Variants in IPCEF1 observed in about 807,000 individuals in gnomAD.
The protein encoded by IPCEF1 is interaction protein for cytohesin exchange factors 1.
Under a neutral mutation model 50.9 loss-of-function variants are expected in IPCEF1, and 31 were observed. The ratio of observed to expected loss-of-function variants is 0.61; its 90% CI spans 0.46 to 0.82. The LOEUF (loss-of-function observed/expected upper bound fraction) is 0.82, where lower values mean the gene tolerates loss of function less well. Ranked by LOEUF, IPCEF1 falls within the 40% of genes least tolerant of loss-of-function variation. The pLI is 0.00. For synonymous variants in IPCEF1, 181 were observed against 192.0 expected, an observed-to-expected ratio of 0.94 and a Z score of 0.47; for missense variants, 458 against 514.0, an observed-to-expected ratio of 0.89 and a Z score of 1.05.
Position 154,166,857 on chromosome 6 carries a change from A to T in IPCEF1, c.1104+1063T>A, listed in dbSNP as rs867707335. Among the ~76,000 whole-genome samples, 19 of 152,352 alleles carry T rather than the reference A, an allele frequency of 1.2e-4. No individual in the cohort carries two copies. In the South Asian group the frequency reaches 3.9e-3, roughly 32 times the overall value. Reference sequence around the variant, plus strand: ...TCATCAGCTTCGTACATACTGTGAAATGGCGGCCAGTGATATCTTTTATTA... The same window carrying T: ...TCATCAGCTTCGTACATACTGTGAATTGGCGGCCAGTGATATCTTTTATTA... On this transcript the variant is annotated intron_variant, in intron 11 of 11. Coordinates refer to ENST00000367220, the MANE Select transcript of IPCEF1 (RefSeq NM_001130700.2).
chr6:154,212,920 C>A, intron 8 of IPCEF1, 65 bp from the exon 9 acceptor site: 1 of 1,116,804 alleles, frequency 9.0e-7, no homozygotes, highest in Non-Finnish European at 1.4e-6. Context: ...AATGCATGAG[C>A]AGAGGTTTAT....
intron 1 of IPCEF1, among the ~76,000 whole-genome samples, chr6:154,352,055 G>C (rs1170497638): frequency 6.6e-6 from 1 of 151,896 alleles, no homozygotes; most frequent in Non-Finnish European, 1.5e-5. Context: ...GTGATGAGTT[G>C]ATCTATGCAG....
chr6:154,342,361 T>C (rs1310679593), intron 1 of IPCEF1, among the ~76,000 whole-genome samples: 1 of 152,204 alleles, frequency 6.6e-6, no homozygotes, highest in Non-Finnish European at 1.5e-5. Context: ...CACCTTGTCT[T>C]ATGTAAAATG....
intron 1 of IPCEF1, among the ~76,000 whole-genome samples, chr6:154,327,290 G>A (rs970796942): frequency 1.3e-5 from 2 of 152,134 alleles, no homozygotes; most frequent in Admixed American, 1.3e-4. Context: ...TCTACAGAAT[G>A]AGAGAAAATT....
intron 1 of IPCEF1, among the ~76,000 whole-genome samples, chr6:154,309,768 GT>G (rs3045861): frequency 1.3e-3 from 184 of 140,744 alleles, no homozygotes; most frequent in Admixed American, 1.4e-3. Flanking sequence ...TTCTTTTCTT[GT>G]TTTTTTTTTT....
intron 5 of IPCEF1, among the ~76,000 whole-genome samples, chr6:154,233,125 C>T (rs768566051): frequency 1.3e-5 from 2 of 152,026 alleles, no homozygotes; most frequent in South Asian, 2.1e-4. Context: ...TGTGCCGCCA[C>T]GCCCAGCTAA....
intron 10 of IPCEF1, among the ~76,000 whole-genome samples, chr6:154,171,228 T>A (rs2350876): frequency 6.6e-6 from 1 of 152,164 alleles, no homozygotes; most frequent in African/African-American, 2.4e-5. Context: ...GTTCATCAGC[T>A]GATGAAAGGA....
At chr6:154,266,566 A>C (rs1438913585) in intron 2 of IPCEF1, among the ~76,000 whole-genome samples, 3 of 140,956 alleles carry the variant, frequency 2.1e-5, no homozygotes, top group Non-Finnish European at 3.1e-5. Flanking sequence ...ATTACTATAT[A>C]TATATATATA....
chr6:154,220,531 A>G (rs193217302), intron 7 of IPCEF1, among the ~76,000 whole-genome samples: 1 of 152,276 alleles, frequency 6.6e-6, no homozygotes, highest in East Asian at 1.9e-4. Flanking sequence ...CACGCCTGTA[A>G]CTTGGGAGGC....
chr6:154,252,904 A>G (rs1461470086), intron 3 of IPCEF1, among the ~76,000 whole-genome samples: 1 of 152,214 alleles, frequency 6.6e-6, no homozygotes, highest in Admixed American at 6.5e-5. Context: ...AGAGATTGCC[A>G]CAGACCTCCC....
chr6:154,314,858 TAA>T (rs1405635357), intron 1 of IPCEF1, among the ~76,000 whole-genome samples: 5 of 151,776 alleles, frequency 3.3e-5, no homozygotes, highest in African/African-American at 1.2e-4. Flanking sequence ...ATCTACTTTG[TAA>T]AGATGGCTTC....
At chr6:154,192,117 G>T (rs1337021330) in intron 10 of IPCEF1, among the ~76,000 whole-genome samples, 1 of 152,088 alleles carries the variant, frequency 6.6e-6, no homozygotes, top group African/African-American at 2.4e-5. Context: ...CTTCTCTAGG[G>T]GTATACACCT....
intron 6 of IPCEF1, 125 bp downstream of exon 6, chr6:154,223,045 G>T (rs966062040): frequency 1.3e-6 from 1 of 775,232 alleles, no homozygotes. Context: ...AACCCATAAT[G>T]CTTCAAATTC....
At chr6:154,247,002 TAAGATACG>T (rs1781105840) in intron 4 of IPCEF1, 4 of 465,458 alleles carry the variant, frequency 8.6e-6, no homozygotes, top group African/African-American at 7.9e-5. Context: ...TTAGAAGGTA[TAAGATACG>T]GCCAAAGAAA....
chr6:154,263,406 T>C (rs1226458801), intron 3 of IPCEF1, among the ~76,000 whole-genome samples: 1 of 139,800 alleles, frequency 7.2e-6, no homozygotes, highest in Non-Finnish European at 1.5e-5. Context: ...TCCGCAGTGT[T>C]TGTGTCCCTG....
intron 1 of IPCEF1, among the ~76,000 whole-genome samples, chr6:154,314,166 A>C (rs941501712): frequency 6.6e-6 from 1 of 152,192 alleles, no homozygotes. Flanking sequence ...TACATTTATA[A>C]TTATAGAGTG....
chr6:154,231,419 G>A (rs1361430154), intron 5 of IPCEF1, among the ~76,000 whole-genome samples: 2 of 152,186 alleles, frequency 1.3e-5, no homozygotes, highest in African/African-American at 4.8e-5. Flanking sequence ...CTATACCTTG[G>A]AGAATATGTG....
At chr6:154,246,868 C>A in intron 4 of IPCEF1, 108 bp from the exon 5 acceptor site, 3 of 1,301,432 alleles carry the variant, frequency 2.3e-6, no homozygotes, top group Non-Finnish European at 3.0e-6. Flanking sequence ...ATTGTTAACC[C>A]CCCGGGGAGC....
At chr6:154,215,982 G>A (rs986636011) in intron 7 of IPCEF1, among the ~76,000 whole-genome samples, 6 of 152,290 alleles carry the variant, frequency 3.9e-5, no homozygotes, top group African/African-American at 1.4e-4. Flanking sequence ...CAAGTATTTA[G>A]CAGGAAACAG....
Sources: allele counts gnomAD v4.1 joint callset (sites outside exome capture counted in the v4.1 genomes callset), GRCh38; gene constraint gnomAD v4.1.1; transcripts MANE v1.5; gene names NCBI Gene and HGNC (gene_info 2026-07-23, HGNC 2026-07-21).